RCAN2: variants seen among roughly 807,000 people sequenced by gnomAD.
RCAN2 encodes the protein regulator of calcineurin 2, also known as calcipressin-2.
A neutral mutation model predicts 23.6 loss-of-function variants in RCAN2; 9 were observed. The ratio of observed to expected loss-of-function variants is 0.38; its 90% CI spans 0.23 to 0.67. RCAN2 has a LOEUF of 0.67. RCAN2 is among the 30% of genes least tolerant of loss of function. The pLI, the probability that RCAN2 is intolerant of heterozygous loss-of-function variation, is 0.51. For missense variants in RCAN2, 273 were observed against 302.3 expected, an observed-to-expected ratio of 0.90 and a Z score of 0.72; for synonymous variants, 109 against 115.7, an observed-to-expected ratio of 0.94 and a Z score of 0.37.
intron 2 of RCAN2, among the ~76,000 whole-genome samples, chr6:46,254,248 C>T (rs1384648353): frequency 1.3e-5 from 2 of 152,188 alleles, no homozygotes; most frequent in African/African-American, 2.4e-5. Flanking sequence ...CTATAAACCA[C>T]ACACTGAACA....
Position 46,259,782 on chromosome 6 carries a change from C to T in RCAN2, c.226-10886G>A, listed in dbSNP as rs529566307. ...ACTAGTTATAAATTGGAAGTTCCCA[C>T]AACCTCCTCCTCAGGTTCGATCATT... On this transcript the variant is annotated intron_variant, in intron 2 of 4. Coordinates refer to ENST00000371374, the MANE Select transcript of RCAN2 (RefSeq NM_001251974.2). Among the ~76,000 whole-genome samples, 301 of 152,322 alleles carry T rather than the reference C, an allele frequency of 2.0e-3. 1 individual carries two copies. The highest frequency in any genetic ancestry group is 7.0e-3 in the African/African-American group (291 of 41,566).
At chr6:46,411,981 G>A (rs1766563866) in intron 2 of RCAN2, among the ~76,000 whole-genome samples, 1 of 152,162 alleles carries the variant, frequency 6.6e-6, no homozygotes, top group African/African-American at 2.4e-5. Flanking sequence ...GTTATGTAAA[G>A]GTCTCTCTGG....
At chr6:46,241,072 GC>G (rs1312039299) in intron 4 of RCAN2, among the ~76,000 whole-genome samples, 2 of 152,148 alleles carry the variant, frequency 1.3e-5, no homozygotes, top group Non-Finnish European at 2.9e-5. Context: ...ACCTTCCAGA[GC>G]CATCTTAGAG....
intron 2 of RCAN2, among the ~76,000 whole-genome samples, chr6:46,411,244 T>C (rs886528906): frequency 6.6e-6 from 1 of 152,212 alleles, no homozygotes; most frequent in Non-Finnish European, 1.5e-5. Flanking sequence ...GAAGACATTA[T>C]GCTAAGTGAA....
At chr6:46,330,103 A>C (rs563670101) in intron 2 of RCAN2, among the ~76,000 whole-genome samples, 1 of 152,352 alleles carries the variant, frequency 6.6e-6, no homozygotes, top group East Asian at 1.9e-4. Flanking sequence ...AGCAGAAGAC[A>C]GAATATAATA....
intron 2 of RCAN2, among the ~76,000 whole-genome samples, chr6:46,327,942 A>G (rs1454109011): frequency 3.9e-5 from 6 of 152,232 alleles, no homozygotes; most frequent in Admixed American, 3.9e-4. Flanking sequence ...GTTCATCCAT[A>G]GAGGCAAAGT....
At chr6:46,421,096 A>T (rs947366252) in intron 2 of RCAN2, among the ~76,000 whole-genome samples, 2 of 152,200 alleles carry the variant, frequency 1.3e-5, no homozygotes, top group Non-Finnish European at 2.9e-5. Flanking sequence ...AACATTTTTT[A>T]AAATTACTTC....
At position 46,318,677 on chromosome 6, in the gene RCAN2, G is replaced by C. The variant is rs146889548; in HGVS notation, c.226-69781C>G. ...TAGATGTGCCATTGTAGAATAGGTA[G>C]AGGATCCAGAAAAAACCTTCTATGG... On this transcript the variant is annotated intron_variant, in intron 2 of 4. Transcript: ENST00000371374. Among the ~76,000 whole-genome samples the C allele has an allele frequency of 1.2e-3, 176 of 152,080 alleles. 1 individual carries two copies. Among genetic ancestry groups the C allele is most frequent in the African/African-American group, 4.0e-3 (165 of 41,494 alleles).
At chr6:46,240,926 A>G (rs1186998502) in intron 4 of RCAN2, among the ~76,000 whole-genome samples, 1 of 152,218 alleles carries the variant, frequency 6.6e-6, no homozygotes, top group Non-Finnish European at 1.5e-5. Context: ...CTCAAGCACC[A>G]TTTTAAAAAC....
intron 4 of RCAN2, among the ~76,000 whole-genome samples, chr6:46,226,998 G>C (rs1326589433): frequency 6.6e-6 from 1 of 152,124 alleles, no homozygotes; most frequent in Admixed American, 6.5e-5. Context: ...TAGCATGAAG[G>C]GCTGTTGAAT....
intron 2 of RCAN2, among the ~76,000 whole-genome samples, chr6:46,318,724 G>A (rs1456144581): frequency 6.6e-6 from 1 of 151,984 alleles, no homozygotes; most frequent in Admixed American, 6.6e-5. Context: ...TAAAAAAAAA[G>A]AGAAATATAT....
intron 4 of RCAN2, among the ~76,000 whole-genome samples, chr6:46,236,036 T>C (rs1766082504): frequency 6.6e-6 from 1 of 152,198 alleles, no homozygotes; most frequent in Non-Finnish European, 1.5e-5. Context: ...GATAAAGCCC[T>C]CTCCCAAGAT....
chr6:46,415,053 G>A (rs918578330), intron 2 of RCAN2, among the ~76,000 whole-genome samples: 1 of 152,164 alleles, frequency 6.6e-6, no homozygotes, highest in Admixed American at 6.5e-5. Flanking sequence ...GATCATGTAT[G>A]TCTTTGGTTA....
chr6:46,380,408 A>G (rs941364158), intron 2 of RCAN2, among the ~76,000 whole-genome samples: 1 of 152,218 alleles, frequency 6.6e-6, no homozygotes, highest in African/African-American at 2.4e-5. Context: ...TAAGGGATTG[A>G]TTACCTGCCA....
chr6:46,487,100 C>T (rs768079235), intron 1 of RCAN2, among the ~76,000 whole-genome samples: 8 of 152,174 alleles, frequency 5.3e-5, no homozygotes. Flanking sequence ...ACACACAGAA[C>T]AGAAAATCAT....
At chr6:46,382,153 C>CA (rs1765629366) in intron 2 of RCAN2, among the ~76,000 whole-genome samples, 1 of 152,160 alleles carries the variant, frequency 6.6e-6, no homozygotes, top group African/African-American at 2.4e-5. Context: ...TCTTGTCTTC[C>CA]AAGAGTTATT....
At chr6:46,346,924 G>A (rs1182163581) in intron 2 of RCAN2, among the ~76,000 whole-genome samples, 11 of 151,952 alleles carry the variant, frequency 7.2e-5, no homozygotes, top group Admixed American at 7.2e-4. Context: ...CACCCAGGCT[G>A]GAGTGCAGTG....
intron 1 of RCAN2, among the ~76,000 whole-genome samples, chr6:46,476,110 C>A (rs149259915): frequency 6.6e-6 from 1 of 152,150 alleles, no homozygotes; most frequent in South Asian, 2.1e-4. Flanking sequence ...CCATCTGACC[C>A]TCCACAAGCC....
chr6:46,259,612 A>G (rs963867826), intron 2 of RCAN2, among the ~76,000 whole-genome samples: 2 of 152,154 alleles, frequency 1.3e-5, no homozygotes, highest in Non-Finnish European at 2.9e-5. Flanking sequence ...TTCTCTGTAG[A>G]CACCCACTGG....
Sources: allele counts gnomAD v4.1 joint callset (sites outside exome capture counted in the v4.1 genomes callset), GRCh38; gene constraint gnomAD v4.1.1; transcripts MANE v1.5; gene names NCBI Gene and HGNC (gene_info 2026-07-23, HGNC 2026-07-21).